Variants in LIX1 observed in about 807,000 individuals in gnomAD.
LIX1 encodes the protein limb and CNS expressed 1.
A neutral mutation model predicts 33.4 loss-of-function variants in LIX1; 24 were observed. That is an observed-to-expected ratio of 0.72 (90% CI 0.52 to 1.01). LIX1 has a LOEUF of 1.01. Among genes scored for constraint, LIX1 ranks in the 50% least tolerant of loss-of-function variants. LIX1 has a pLI of 0.00. For synonymous variants in LIX1, 124 were observed against 124.0 expected, an observed-to-expected ratio of 1.00 and a Z score of 0.00; for missense variants, 311 against 339.2, an observed-to-expected ratio of 0.92 and a Z score of 0.65.
chr5:97,137,873 A>T (rs1392113448), intron 1 of LIX1, among the ~76,000 whole-genome samples: 2 of 152,206 alleles, frequency 1.3e-5, no homozygotes, highest in Non-Finnish European at 2.9e-5. Flanking sequence ...TTGATTTCAC[A>T]TAACTGTACT....
At chr5:97,116,983 C>A (rs1041220343) in intron 2 of LIX1, among the ~76,000 whole-genome samples, 2 of 151,992 alleles carry the variant, frequency 1.3e-5, no homozygotes, top group African/African-American at 4.8e-5. Context: ...ATTTGGAGGT[C>A]AAGAATTTCT....
chr5:97,122,617 G>T (rs1294556328), intron 2 of LIX1, among the ~76,000 whole-genome samples: 1 of 152,006 alleles, frequency 6.6e-6, no homozygotes, highest in Non-Finnish European at 1.5e-5. Context: ...ATCTTTGCAG[G>T]CTATTTGAGA....
chr5:97,092,294 C>T lies in LIX1; in HGVS notation c.*2454G>A, dbSNP rs1421773852. The T allele has an allele frequency of 6.6e-6, 1 of 152,148 alleles. No homozygotes were observed. Among genetic ancestry groups the T allele is most frequent in the Non-Finnish European group, 1.5e-5 (1 of 68,006 alleles). The allele number at this position is 152,148 out of a possible 1,614,324, so 9.4% of individuals were successfully genotyped here. ...TATCAGATTCTCAAAGGGCTTATAA[C>T]CAAAAAAGGCTAGGACCCAGAGCTT... On this transcript the variant is annotated 3_prime_UTR_variant, in exon 6 of 6. Coordinates refer to ENST00000274382, the MANE Select transcript of LIX1 (RefSeq NM_153234.5).
At chr5:97,108,650 C>G (rs147390591) in intron 2 of LIX1, among the ~76,000 whole-genome samples, 2 of 152,190 alleles carry the variant, frequency 1.3e-5, no homozygotes, top group Non-Finnish European at 2.9e-5. Context: ...TGTCTAGGAT[C>G]TTGGACTCCT....
intron 1 of LIX1, among the ~76,000 whole-genome samples, chr5:97,133,133 A>G (rs991809338): frequency 6.6e-6 from 1 of 152,244 alleles, no homozygotes; most frequent in Non-Finnish European, 1.5e-5. Context: ...AGGGTTTGTT[A>G]TAGAAGAGTC....
At chr5:97,099,393 T>A (rs975237769) in intron 4 of LIX1, among the ~76,000 whole-genome samples, 2 of 152,118 alleles carry the variant, frequency 1.3e-5, no homozygotes, top group African/African-American at 4.8e-5. Flanking sequence ...TAAAAATGAA[T>A]GGGAAGATTG....
chr5:97,100,125 C>T (rs551621714), intron 4 of LIX1, among the ~76,000 whole-genome samples: 1 of 152,304 alleles, frequency 6.6e-6, no homozygotes, highest in South Asian at 2.1e-4. Flanking sequence ...CTCTCCCCGC[C>T]CCATAAGGGA....
rs1002787394 is a variant in LIX1, at chr5:97,105,232, G to A, written c.441C>T (p.Tyr147=). 1 of 1,614,178 alleles carries A rather than the reference G, an allele frequency of 6.2e-7. No homozygotes were observed. Among genetic ancestry groups the A allele is most frequent in the African/African-American group, 1.3e-5 (1 of 75,054 alleles). The change falls in exon 4 of 6, where the codon TAC becomes TAT. Residue 147 remains tyrosine (Y), a synonymous_variant. Transcript: ENST00000274382. ...TCTTCCCCATGTTTGACTCCAGCATGTAGTGATAGGCCCCAACACTGGTGC... is the reference window on the plus strand; with the variant it reads ...TCTTCCCCATGTTTGACTCCAGCATATAGTGATAGGCCCCAACACTGGTGC... The part of the protein sequence containing the change: ...DPSTSVGAYH[Y]MLESNMGKTM...
rs769505593 is a variant in LIX1, at chr5:97,105,183, C to CAGGT, written c.483+3_483+6dup. 9 of 1,611,294 alleles carry CAGGT rather than the reference C, an allele frequency of 5.6e-6. No individual in the cohort carries two copies. The highest frequency in any genetic ancestry group is 7.6e-6 in the Non-Finnish European group (9 of 1,177,440). On this transcript the variant is annotated splice_region_variant and intron_variant, in intron 4 of 5. Coordinates refer to ENST00000274382, the MANE Select transcript of LIX1 (RefSeq NM_153234.5). ...ATCAAACAAATATGTGGCAGGCAGG[C>CAGGT]AGGTACCTGAAACTCCAGCATAGTC...
chr5:97,094,741 G>A lies in LIX1; in HGVS notation c.*7C>T, dbSNP rs772004136. 4 of 1,612,058 alleles carry A rather than the reference G, an allele frequency of 2.5e-6. No homozygotes were observed. Among genetic ancestry groups the A allele is most frequent in the Non-Finnish European group, 3.4e-6 (4 of 1,178,548 alleles). ...CCATCACTGAGGGTACCCGGGGCTT[G>A]GCCTTGCTAGTGATAGCCACACAGG... On this transcript the variant is annotated 3_prime_UTR_variant, in exon 6 of 6. Coordinates refer to ENST00000274382, the MANE Select transcript of LIX1 (RefSeq NM_153234.5).
chr5:97,106,676 T>G (rs907021909), intron 3 of LIX1, among the ~76,000 whole-genome samples: 1 of 152,154 alleles, frequency 6.6e-6, no homozygotes, highest in African/African-American at 2.4e-5. Context: ...GAGCTCCAAA[T>G]CATTCATGGG....
chr5:97,133,308 C>T (rs895033852), intron 1 of LIX1, among the ~76,000 whole-genome samples: 1 of 152,214 alleles, frequency 6.6e-6, no homozygotes, highest in Non-Finnish European at 1.5e-5. Flanking sequence ...GATATCTAAC[C>T]ACACCATGCC....
At chr5:97,108,235 A>G (rs1294070041) in intron 2 of LIX1, among the ~76,000 whole-genome samples, 6 of 152,064 alleles carry the variant, frequency 3.9e-5, no homozygotes, top group Admixed American at 3.9e-4. Context: ...CAGTTCCCTG[A>G]TTTTCTTGAG....
At chr5:97,103,187 G>A (rs2112758810) in intron 4 of LIX1, 5 of 387,086 alleles carry the variant, frequency 1.3e-5, no homozygotes, top group East Asian at 7.7e-5. Flanking sequence ...AGATTGTTAT[G>A]AAAAAAAAAG....
intron 1 of LIX1, among the ~76,000 whole-genome samples, chr5:97,125,009 A>C (rs1463663925): frequency 6.6e-6 from 1 of 152,182 alleles, no homozygotes; most frequent in Admixed American, 6.6e-5. Context: ...GTCTTAATAG[A>C]CTTTATCCAG....
chr5:97,135,455 C>T (rs1748151477), intron 1 of LIX1, among the ~76,000 whole-genome samples: 2 of 152,112 alleles, frequency 1.3e-5, no homozygotes, highest in Non-Finnish European at 2.9e-5. Flanking sequence ...CCTGATGTAC[C>T]CTATTTATCC....
Position 97,092,067 on chromosome 5 carries a change from A to C in LIX1, c.*2681T>G, listed in dbSNP as rs1367589451. ...ATGACAGTTGTGTTAGAAACAGGCT[A>C]CCTGGGCTATGTCTGAGTTATGTTG... is the stretch of plus-strand genomic sequence containing the variant. On this transcript the variant is annotated 3_prime_UTR_variant, in exon 6 of 6. Transcript: ENST00000274382. 2.0e-5 allele frequency: 3 copies of C among 152,350 alleles called. No homozygotes were observed. The highest frequency in any genetic ancestry group is 7.2e-5 in the African/African-American group (3 of 41,450). The allele number at this position is 152,350 out of a possible 1,614,324, so 9.4% of individuals were successfully genotyped here.
At chr5:97,117,467 A>C (rs1054912879) in intron 2 of LIX1, among the ~76,000 whole-genome samples, 1 of 152,238 alleles carries the variant, frequency 6.6e-6, no homozygotes, top group Admixed American at 6.5e-5. Context: ...AATTCCATTG[A>C]GTCAAGTGTA....
At position 97,094,910 on chromosome 5, in the gene LIX1, C is replaced by T; in HGVS notation, c.687G>A (p.Leu229=). The change falls in exon 6 of 6, where the codon CTG becomes CTA. Residue 229 remains leucine (L), a synonymous_variant. Coordinates refer to ENST00000274382, the MANE Select transcript of LIX1 (RefSeq NM_153234.5). The stretch of plus-strand genomic sequence containing the variant: ...CTTTCCTGGCTTCCTCCAACTGCCT[C>T]AGGGCCATTCGTAGCTCTTGAGAGA... ...GIVSQELRMA[L]RQLEEARKAG... 1 of 1,614,206 alleles carries T rather than the reference C, an allele frequency of 6.2e-7. No homozygotes were observed. Among genetic ancestry groups the T allele is most frequent in the South Asian group, 1.1e-5 (1 of 91,082 alleles).
Sources: gnomAD v4.1 joint callset for allele counts (sites outside exome capture counted in the v4.1 genomes callset) on GRCh38, gnomAD v4.1.1 for gene constraint, MANE v1.5 for transcripts, NCBI Gene and HGNC (gene_info 2026-07-23, HGNC 2026-07-21) for gene names.